Variants in TEX48 observed in about 807,000 individuals in gnomAD.
TEX48 encodes the protein testis-expressed protein 48.
A neutral mutation model predicts 13.2 loss-of-function variants in TEX48; 10 were observed. The observed-to-expected ratio is 0.75, with a 90% CI of 0.47 to 1.28. The LOEUF is 1.28. Ranked by LOEUF, TEX48 falls within the 50% of genes most tolerant of loss-of-function variation. The probability of loss-of-function intolerance (pLI) is 0.00; values close to 1 mark genes in which losing one functional copy is unlikely to be tolerated. For missense variants in TEX48, 116 were observed against 139.4 expected (o/e 0.83, Z 0.84); for synonymous variants, 45 against 52.3 (o/e 0.86, Z 0.60).
chr9:114,668,853 T>A (rs1355229992), intron 3 of TEX48, among the ~76,000 whole-genome samples: 1 of 152,190 alleles, frequency 6.6e-6, no homozygotes, highest in Admixed American at 6.5e-5. Context: ...TATTTATTTT[T>A]TGAGACAGGG....
intron 3 of TEX48, among the ~76,000 whole-genome samples, chr9:114,668,893 A>G (rs1236417421): frequency 6.6e-6 from 1 of 151,776 alleles, no homozygotes; most frequent in African/African-American, 2.4e-5. Flanking sequence ...CTGGAGTGCA[A>G]TGGTGTGATC....
chr9:114,666,624 C>A lies in TEX48; in HGVS notation c.*19G>T. 7.0e-7 allele frequency: 1 copy of A among 1,420,736 alleles called. No homozygotes were observed. The highest frequency in any genetic ancestry group is 2.5e-5 in the East Asian group (1 of 40,312). 88.0% of individuals were successfully genotyped at this position (1,420,736 alleles called of 1,614,324 possible). A position where few individuals can be genotyped will look rare whatever the true frequency, so the allele number is the denominator to read the frequency against. On this transcript the variant is annotated 3_prime_UTR_variant, in exon 5 of 5. Transcript: ENST00000436752. Reference sequence around the variant, plus strand: ...TCATGGAGATGCCCCAGCAGCTGTGCAGCCGCCGGCTAGAATGCTCAGGGC... The same window carrying A: ...TCATGGAGATGCCCCAGCAGCTGTGAAGCCGCCGGCTAGAATGCTCAGGGC...
chr9:114,671,235 A>G, intron 3 of TEX48, 148 bp downstream of exon 3: 1 of 879,938 alleles, frequency 1.1e-6, no homozygotes, highest in Non-Finnish European at 1.7e-6. Context: ...TGGTTTGAGT[A>G]CTTAGCCATC....
intron 1 of TEX48, among the ~76,000 whole-genome samples, chr9:114,675,277 C>T (rs1172072550): frequency 6.6e-6 from 1 of 152,226 alleles, no homozygotes; most frequent in Non-Finnish European, 1.5e-5. Context: ...CTGTAGGACA[C>T]AGCTTACCTC....
intron 1 of TEX48, among the ~76,000 whole-genome samples, chr9:114,678,302 T>G (rs1481314996): frequency 6.6e-6 from 1 of 152,124 alleles, no homozygotes; most frequent in Non-Finnish European, 1.5e-5. Context: ...GCTGCCCAAA[T>G]AAACTTTTTC....
At position 114,666,539 on chromosome 9, in the gene TEX48, C is replaced by T. The variant is rs1350497036; in HGVS notation, c.*104G>A. The T allele has an allele frequency of 3.1e-5, 20 of 648,960 alleles. 1 individual carries two copies. In the Admixed American group the frequency reaches 5.7e-4, roughly 18 times the overall value. The allele number at this position is 648,960 out of a possible 1,614,324, so 40.2% of individuals were successfully genotyped here. A position where few individuals can be genotyped will look rare whatever the true frequency, so the allele number is the denominator to read the frequency against. On this transcript the variant is annotated 3_prime_UTR_variant, in exon 5 of 5. Transcript: ENST00000436752. ...GGCACAAGGATGGCTCAGATGTCTT[C>T]TCCTCCTTCAGGGGAGTTTCCGAAT...
chr9:114,672,334 G>T (rs1827964876), intron 1 of TEX48, among the ~76,000 whole-genome samples: 1 of 152,130 alleles, frequency 6.6e-6, no homozygotes, highest in Non-Finnish European at 1.5e-5. Context: ...AAGAAGTTAG[G>T]CTGGATGATC....
chr9:114,676,085 TG>T (rs1479284506), intron 1 of TEX48, among the ~76,000 whole-genome samples: 1 of 152,252 alleles, frequency 6.6e-6, no homozygotes, highest in Non-Finnish European at 1.5e-5. Flanking sequence ...AATAAACACT[TG>T]TTGAAACGTT....
intron 1 of TEX48, among the ~76,000 whole-genome samples, chr9:114,680,353 C>T (rs1231622090): frequency 1.3e-5 from 2 of 152,058 alleles, no homozygotes; most frequent in Non-Finnish European, 2.9e-5. Flanking sequence ...TCTCGAACTC[C>T]TGACCTCAGG....
At chr9:114,666,838 A>G in intron 4 of TEX48, 92 bp from the exon 5 acceptor site, 2 of 670,246 alleles carry the variant, frequency 3.0e-6, no homozygotes, top group South Asian at 1.9e-5. Flanking sequence ...ATTGCTGATC[A>G]TTCCTCAGCT....
intron 1 of TEX48, among the ~76,000 whole-genome samples, chr9:114,680,484 T>C (rs1275261189): frequency 2.0e-5 from 3 of 152,206 alleles, no homozygotes; most frequent in Non-Finnish European, 4.4e-5. Context: ...TGAATGCTTT[T>C]ATGTAGCCTC....
intron 1 of TEX48, among the ~76,000 whole-genome samples, chr9:114,681,058 C>G (rs888376234): frequency 6.6e-6 from 1 of 152,188 alleles, no homozygotes; most frequent in African/African-American, 2.4e-5. Context: ...GCATCTTCCA[C>G]CAAAGCAGCT....
chr9:114,671,173 G>T (rs528230975), intron 3 of TEX48, among the ~76,000 whole-genome samples: 1 of 152,256 alleles, frequency 6.6e-6, no homozygotes, highest in South Asian at 2.1e-4. Flanking sequence ...TGCCAATATT[G>T]CTGGCCCATA....
At chr9:114,676,004 G>C (rs1038532368) in intron 1 of TEX48, among the ~76,000 whole-genome samples, 4 of 152,198 alleles carry the variant, frequency 2.6e-5, no homozygotes, top group South Asian at 2.1e-4. Context: ...GCACTCCCCT[G>C]CTGGCCCACC....
chr9:114,677,112 T>C (rs1285579270), intron 1 of TEX48, among the ~76,000 whole-genome samples: 1 of 152,238 alleles, frequency 6.6e-6, no homozygotes, highest in Non-Finnish European at 1.5e-5. Flanking sequence ...TTAGATACGA[T>C]GCGGGCTAGA....
intron 1 of TEX48, among the ~76,000 whole-genome samples, chr9:114,676,741 C>T (rs113204238): frequency 0.076 from 11,554 of 151,908 alleles, 556 homozygotes; most frequent in Non-Finnish European, 0.098. Flanking sequence ...CTCAGCCTCC[C>T]GAGTAGCTGG....
intron 1 of TEX48, among the ~76,000 whole-genome samples, chr9:114,674,555 TTTC>T (rs1052181412): frequency 1.6e-4 from 24 of 151,746 alleles, no homozygotes; most frequent in Admixed American, 4.6e-4. Context: ...TTTCTCTCTT[TTTC>T]TTCTTTTTTT....
chr9:114,680,120 CCTTTTT>C (rs1411002780), intron 1 of TEX48, among the ~76,000 whole-genome samples: 13 of 52,132 alleles, frequency 2.5e-4, no homozygotes, highest in East Asian at 1.5e-3. Flanking sequence ...TGTCATTGTC[CCTTTTT>C]TTTTTTTTTT....
chr9:114,668,325 T>C lies in TEX48; in HGVS notation c.140A>G (p.Gln47Arg), dbSNP rs928225343. 3.3e-6 allele frequency: 5 copies of C among 1,535,524 alleles called. No individual in the cohort carries two copies. The highest frequency in any genetic ancestry group is 3.9e-5 in the Admixed American group (2 of 50,976). ...ATTTTGTCTGTCAAGCTCATCCTTC[T>C]GAAGCAGCAAATCTGGCAATGAGAA... ...HKPSTQNLLL[Q>R]KDELDRQNPK... Residue 47 changes from glutamine (Q) to arginine (R), a missense_variant, in exon 4 of 5, where the codon CAG (glutamine) becomes CGG (arginine). By Grantham distance (43) the Gln-to-Arg change is conservative. Transcript: ENST00000436752.
Sources: allele counts gnomAD v4.1 joint callset (sites outside exome capture counted in the v4.1 genomes callset), GRCh38; gene constraint gnomAD v4.1.1; transcripts MANE v1.5; gene names NCBI Gene and HGNC (gene_info 2026-07-23, HGNC 2026-07-21).